The following VRK2 variants were observed in gnomAD, a reference collection of about 807,000 sequenced individuals.
The protein encoded by VRK2 is serine/threonine-protein kinase VRK2.
In VRK2, 60 loss-of-function variants were observed where a neutral mutation model predicts 57.6. The observed-to-expected ratio is 1.04, with a 90% CI of 0.85 to 1.29. The LOEUF (loss-of-function observed/expected upper bound fraction) is 1.29, where lower values mean the gene tolerates loss of function less well. VRK2 is among the 50% of genes most tolerant of loss of function. The probability of loss-of-function intolerance (pLI) is 0.00; values close to 1 mark genes in which losing one functional copy is unlikely to be tolerated. For missense variants in VRK2, 705 were observed against 588.1 expected (o/e 1.20, Z -2.06); for synonymous variants, 231 against 199.2 (o/e 1.16, Z -1.35).
Position 58,046,884 on chromosome 2 carries a change from T to C in VRK2, c.-6+16T>C. 2 of 985,238 alleles carry C rather than the reference T, an allele frequency of 2.0e-6. No homozygotes were observed. The highest frequency in any genetic ancestry group is 2.4e-6 in the Non-Finnish European group (2 of 829,818). 61.0% of individuals were successfully genotyped at this position (985,238 alleles called of 1,614,324 possible). A position where few individuals can be genotyped will look rare whatever the true frequency, so the allele number is the denominator to read the frequency against. ...CTGAGGCCCGGTCAGTCTCTTGCTC[T>C]GGGGTCTTGGGTGGCGGGCGGCACC... On this transcript the variant is annotated intron_variant, in intron 1 of 12. Coordinates refer to ENST00000340157, the MANE Select transcript of VRK2 (RefSeq NM_006296.7).
Position 58,123,115 on chromosome 2 carries a change from T to C in VRK2, c.558T>C (p.Asp186=). The C allele has an allele frequency of 5.0e-6, 8 of 1,599,716 alleles. No individual in the cohort carries two copies. Among genetic ancestry groups the C allele is most frequent in the South Asian group, 1.1e-5 (1 of 87,756 alleles). Residue 186 remains aspartate (D), a synonymous_variant, in exon 8 of 13, where the codon GAT becomes GAC. Transcript: ENST00000340157. ...TTGTCTTCCAGGTTTATCTTGCAGATTATGGACTTTCCTACAGATATTGTC... is the reference window on the plus strand; with the variant it reads ...TTGTCTTCCAGGTTTATCTTGCAGACTATGGACTTTCCTACAGATATTGTC... ...YKNPDQVYLA[D]YGLSYRYCPN...
chr2:58,001,593 G>A lies in VRK2; in HGVS notation c.-438-24072G>A, dbSNP rs576867895. On this transcript the variant is annotated intron_variant, in intron 1 of 15. Coordinates refer to the VRK2 transcript ENST00000417641. ...TCCCAGCACTTTGGGAGGACAAGGC[G>A]GGCTGATCACTTGAGGTGAGGAGTT... Among the ~76,000 whole-genome samples, 12 of 152,072 alleles carry A rather than the reference G, an allele frequency of 7.9e-5. No homozygotes were observed. In the South Asian group the frequency reaches 8.3e-4, roughly 11 times the overall value.
intron 1 of VRK2, among the ~76,000 whole-genome samples, chr2:57,994,988 A>G (rs567594004): frequency 1.1e-4 from 16 of 152,322 alleles, no homozygotes; most frequent in Admixed American, 6.5e-4. Flanking sequence ...TAAAAATATC[A>G]AGAAAATATG....
intron 1 of VRK2, among the ~76,000 whole-genome samples, chr2:57,974,241 C>G (rs1029860724): frequency 2.2e-4 from 34 of 151,926 alleles, no homozygotes; most frequent in African/African-American, 7.9e-4. Flanking sequence ...AAGCTTTAAT[C>G]ATAAAGAAAT....
chr2:58,003,979 T>C, intron 1 of VRK2, among the ~76,000 whole-genome samples: 1 of 152,150 alleles, frequency 6.6e-6, no homozygotes, highest in Non-Finnish European at 1.5e-5. Flanking sequence ...ATAGATACCA[T>C]TCCTAATTCC....
intron 1 of VRK2, among the ~76,000 whole-genome samples, chr2:58,021,038 G>C (rs1673739322): frequency 6.6e-6 from 1 of 152,032 alleles, no homozygotes; most frequent in Non-Finnish European, 1.5e-5. Context: ...TATTAGACCT[G>C]GCAGTAGGTC....
chr2:57,923,225 G>A (rs1210573987), intron 1 of VRK2, among the ~76,000 whole-genome samples: 2 of 151,888 alleles, frequency 1.3e-5, no homozygotes, highest in Non-Finnish European at 2.9e-5. Context: ...TCTATTCTTT[G>A]GGATATATAC....
intron 1 of VRK2, among the ~76,000 whole-genome samples, chr2:57,964,756 C>T (rs545621195): frequency 4.6e-5 from 7 of 151,660 alleles, no homozygotes; most frequent in Admixed American, 2.6e-4. Flanking sequence ...TGTGGTGGCA[C>T]GCACCTGTAG....
chr2:58,143,512 C>T, intron 11 of VRK2, among the ~76,000 whole-genome samples: 1 of 151,936 alleles, frequency 6.6e-6, no homozygotes, highest in Admixed American at 6.6e-5. Flanking sequence ...CACGGCAGTG[C>T]AGCCTAACCA....
chr2:58,090,421 A>C lies in VRK2; in HGVS notation c.543+698A>C, dbSNP rs200866679. On this transcript the variant is annotated intron_variant, in intron 7 of 12. Transcript: ENST00000340157. ...ATCTCAAAAAAAAAAAAAAAAAAAAAGTTTTAAGCAAGCTTTTCCATTAAA... is the reference window on the plus strand; with the variant it reads ...ATCTCAAAAAAAAAAAAAAAAAAAACGTTTTAAGCAAGCTTTTCCATTAAA... Among the ~76,000 whole-genome samples the C allele has an allele frequency of 2.0e-5, 3 of 151,298 alleles. No individual in the cohort carries two copies. In the East Asian group the frequency reaches 5.8e-4, roughly 29 times the overall value.
chr2:57,966,734 C>T (rs937838274), intron 1 of VRK2, among the ~76,000 whole-genome samples: 1 of 152,026 alleles, frequency 6.6e-6, no homozygotes, highest in Non-Finnish European at 1.5e-5. Context: ...ATAAGAATAA[C>T]AGTTATGAAT....
intron 1 of VRK2, among the ~76,000 whole-genome samples, chr2:58,007,558 A>C (rs1673286290): frequency 2.6e-5 from 4 of 152,180 alleles, no homozygotes; most frequent in Admixed American, 2.6e-4. Flanking sequence ...AATTTTCTTA[A>C]TAACATTTTC....
chr2:57,914,721 T>A (rs559974652), intron 1 of VRK2, among the ~76,000 whole-genome samples: 1 of 152,276 alleles, frequency 6.6e-6, no homozygotes, highest in South Asian at 2.1e-4. Flanking sequence ...GTTGTGTCCC[T>A]CTGAAAGTTA....
chr2:57,988,802 A>G (rs1672675977), intron 1 of VRK2, among the ~76,000 whole-genome samples: 1 of 152,322 alleles, frequency 6.6e-6, no homozygotes, highest in African/African-American at 2.4e-5. Context: ...CCTGGTGTAC[A>G]AACAGCATAT....
chr2:57,934,714 C>T (rs1055187560), intron 1 of VRK2, among the ~76,000 whole-genome samples: 1 of 152,086 alleles, frequency 6.6e-6, no homozygotes, highest in Non-Finnish European at 1.5e-5. Flanking sequence ...ACCCTAGTTC[C>T]TTTGATGGTG....
chr2:58,047,896 TAAG>T (rs1675101980), intron 1 of VRK2, among the ~76,000 whole-genome samples: 1 of 152,252 alleles, frequency 6.6e-6, no homozygotes, highest in African/African-American at 2.4e-5. Flanking sequence ...AAGATTATAT[TAAG>T]AAAACTTTAC....
intron 11 of VRK2, among the ~76,000 whole-genome samples, chr2:58,145,021 A>G (rs1033479018): frequency 6.6e-6 from 1 of 151,850 alleles, no homozygotes; most frequent in Admixed American, 6.6e-5. Context: ...CTACTTCACT[A>G]TTTCCCCTTT....
At chr2:58,097,513 T>C (rs1428569872) in intron 7 of VRK2, among the ~76,000 whole-genome samples, 1 of 152,116 alleles carries the variant, frequency 6.6e-6, no homozygotes, top group Non-Finnish European at 1.5e-5. Context: ...ATGTAGTTTG[T>C]CCCCTGTACT....
At chr2:58,133,446 T>G (rs1020964936) in intron 9 of VRK2, among the ~76,000 whole-genome samples, 1 of 152,202 alleles carries the variant, frequency 6.6e-6, no homozygotes, top group Non-Finnish European at 1.5e-5. Flanking sequence ...TTATAGTACA[T>G]AATACATAAT....
Sources: allele counts gnomAD v4.1 joint callset (sites outside exome capture counted in the v4.1 genomes callset), GRCh38; gene constraint gnomAD v4.1.1; transcripts MANE v1.5; gene names NCBI Gene and HGNC (gene_info 2026-07-23, HGNC 2026-07-21).